The following RBFOX1 variants were observed in gnomAD, a reference collection of about 807,000 sequenced individuals.
RBFOX1 encodes RNA binding fox-1 homolog 1.
In RBFOX1, 8 loss-of-function variants were observed where a neutral mutation model predicts 57.7. The ratio of observed to expected loss-of-function variants is 0.14; its 90% CI spans 0.08 to 0.25. RBFOX1 has a LOEUF of 0.25. Ranked by LOEUF, RBFOX1 falls within the 10% of genes least tolerant of loss-of-function variation. RBFOX1 has a pLI of 1.00. For missense variants in RBFOX1, 611 were observed against 548.5 expected (o/e 1.11, Z -1.14); for synonymous variants, 326 against 222.4 (o/e 1.47, Z -4.15).
chr16:5,624,149 G>C (rs75817553), intron 3 of RBFOX1, among the ~76,000 whole-genome samples: 1 of 152,150 alleles, frequency 6.6e-6, no homozygotes, highest in Non-Finnish European at 1.5e-5. Context: ...ATACTCGAAG[G>C]TTTCAAAGAG....
intron 1 of RBFOX1, among the ~76,000 whole-genome samples, chr16:6,220,114 A>G (rs535781379): frequency 2.6e-5 from 4 of 152,006 alleles, no homozygotes; most frequent in African/African-American, 7.2e-5. Flanking sequence ...AAGGGTATTT[A>G]TCATTTATCT....
intron 3 of RBFOX1, among the ~76,000 whole-genome samples, chr16:5,795,435 T>G (rs2054845923): frequency 6.6e-6 from 1 of 152,032 alleles, no homozygotes; most frequent in African/African-American, 2.4e-5. Flanking sequence ...TCCCGAGTAG[T>G]GGGACCACAG....
intron 3 of RBFOX1, among the ~76,000 whole-genome samples, chr16:6,669,105 T>C (rs2098749314): frequency 6.6e-6 from 1 of 152,208 alleles, no homozygotes; most frequent in Non-Finnish European, 1.5e-5. Context: ...TCCCAGCACT[T>C]TTGCATGGTT....
chr16:6,539,773 A>T (rs2096785991), intron 2 of RBFOX1, among the ~76,000 whole-genome samples: 1 of 143,862 alleles, frequency 7.0e-6, no homozygotes, highest in Admixed American at 7.1e-5. Flanking sequence ...ACTCCAGCCT[A>T]GGCGGCAGAC....
At chr16:7,652,675 G>C (rs1259262454) in intron 11 of RBFOX1, among the ~76,000 whole-genome samples, 2 of 152,132 alleles carry the variant, frequency 1.3e-5, no homozygotes, top group Admixed American at 6.5e-5. Flanking sequence ...CAAAGTGCTG[G>C]GATTACAGGC....
At chr16:6,823,761 A>G (rs777443293) in intron 3 of RBFOX1, among the ~76,000 whole-genome samples, 15 of 152,142 alleles carry the variant, frequency 9.9e-5, no homozygotes, top group Non-Finnish European at 1.9e-4. Context: ...AATATCAGCC[A>G]CTGTTCTAGT....
intron 4 of RBFOX1, among the ~76,000 whole-genome samples, chr16:7,064,952 T>C (rs940482319): frequency 2.0e-5 from 3 of 152,206 alleles, no homozygotes; most frequent in African/African-American, 4.8e-5. Context: ...CCTTGGGGGA[T>C]AGAGATGATG....
At chr16:5,630,769 C>G (rs1018938370) in intron 3 of RBFOX1, among the ~76,000 whole-genome samples, 3 of 152,154 alleles carry the variant, frequency 2.0e-5, no homozygotes, top group Non-Finnish European at 4.4e-5. Flanking sequence ...TAACTCTCGC[C>G]TTGGACTTCA....
At chr16:5,584,623 C>G (rs759315425) in intron 2 of RBFOX1, among the ~76,000 whole-genome samples, 2 of 152,160 alleles carry the variant, frequency 1.3e-5, no homozygotes, top group Non-Finnish European at 2.9e-5. Flanking sequence ...GGGTCATTGT[C>G]TCCTGAGTGT....
chr16:6,927,624 A>G (rs1405716821), intron 3 of RBFOX1, among the ~76,000 whole-genome samples: 2 of 152,006 alleles, frequency 1.3e-5, no homozygotes, highest in African/African-American at 4.8e-5. Context: ...GCAGGGGCTT[A>G]ATAGACATCT....
intron 14 of RBFOX1, among the ~76,000 whole-genome samples, chr16:7,684,050 G>T (rs147736195): frequency 2.6e-5 from 4 of 152,052 alleles, no homozygotes; most frequent in African/African-American, 9.7e-5. Flanking sequence ...TTCAGTAAAA[G>T]TGTCTAATAT....
At chr16:6,020,699 A>G (rs1009609714) in intron 1 of RBFOX1, among the ~76,000 whole-genome samples, 4 of 151,644 alleles carry the variant, frequency 2.6e-5, no homozygotes, top group African/African-American at 7.3e-5. Flanking sequence ...TGTGCAGGCC[A>G]GGGGGGGGCT....
At chr16:7,345,501 C>G (rs1250870296) in intron 4 of RBFOX1, among the ~76,000 whole-genome samples, 2 of 152,150 alleles carry the variant, frequency 1.3e-5, no homozygotes, top group Non-Finnish European at 2.9e-5. Flanking sequence ...GCAGACAGTT[C>G]CCACTGTGAC....
chr16:6,749,418 T>C (rs1229427264), intron 3 of RBFOX1, among the ~76,000 whole-genome samples: 2 of 152,186 alleles, frequency 1.3e-5, no homozygotes, highest in Non-Finnish European at 2.9e-5. Context: ...ACCCTGGTTC[T>C]TGCTGTTACG....
At chr16:7,569,604 A>G (rs982317614) in intron 5 of RBFOX1, among the ~76,000 whole-genome samples, 3 of 152,206 alleles carry the variant, frequency 2.0e-5, no homozygotes, top group Non-Finnish European at 2.9e-5. Context: ...CATGTAAAGT[A>G]TCCTATTCAA....
intron 2 of RBFOX1, among the ~76,000 whole-genome samples, chr16:6,492,870 C>G (rs1310227757): frequency 3.3e-5 from 5 of 152,142 alleles, no homozygotes; most frequent in East Asian, 1.9e-4. Context: ...AGAAAGCAAA[C>G]ATACACATGC....
chr16:5,823,566 T>C (rs2055931173), intron 3 of RBFOX1, among the ~76,000 whole-genome samples: 1 of 151,582 alleles, frequency 6.6e-6, no homozygotes, highest in South Asian at 2.1e-4. Context: ...AGGAGGTGAG[T>C]TGCAGGCAAG....
chr16:7,316,629 T>C (rs1372852069), intron 4 of RBFOX1, among the ~76,000 whole-genome samples: 2 of 152,110 alleles, frequency 1.3e-5, no homozygotes, highest in Admixed American at 1.3e-4. Flanking sequence ...CACATAACTG[T>C]GCCTTGCCAG....
intron 4 of RBFOX1, among the ~76,000 whole-genome samples, chr16:7,423,551 C>T (rs74012571): frequency 0.013 from 2,003 of 152,106 alleles, 37 homozygotes; most frequent in African/African-American, 0.046. Context: ...TCTGTACTTT[C>T]GATTTCACAG....
Sources: gnomAD v4.1 joint callset for allele counts (sites outside exome capture counted in the v4.1 genomes callset) on GRCh38, gnomAD v4.1.1 for gene constraint, MANE v1.5 for transcripts, NCBI Gene and HGNC (gene_info 2026-07-23, HGNC 2026-07-21) for gene names.